Variants in TRAF3IP1 observed in about 807,000 individuals in gnomAD.
TRAF3IP1 encodes the protein TRAF3-interacting protein 1.
A neutral mutation model predicts 89.9 loss-of-function variants in TRAF3IP1; 53 were observed. The ratio of observed to expected loss-of-function variants is 0.59; its 90% CI spans 0.47 to 0.74. The LOEUF (loss-of-function observed/expected upper bound fraction) is 0.74, where lower values mean the gene tolerates loss of function less well. Among genes scored for constraint, TRAF3IP1 ranks in the 30% least tolerant of loss-of-function variants. The pLI is 0.00. For synonymous variants in TRAF3IP1, 311 were observed against 322.1 expected (o/e 0.97, Z 0.37); for missense variants, 806 against 866.1 (o/e 0.93, Z 0.87).
chr2:238,370,063 G>T (rs1700042227), intron 15 of TRAF3IP1, among the ~76,000 whole-genome samples: 1 of 152,154 alleles, frequency 6.6e-6, no homozygotes, highest in Non-Finnish European at 1.5e-5. Context: ...GGAGACCTGG[G>T]TCCTTTGATT....
rs1440046095 is a variant in TRAF3IP1 at position 238,351,848 on chromosome 2, T to C, written c.1452-979T>C. ...GGGAGGATTTTGGTGTGTGTGTGTG[T>C]GTGTGTGTGTGTGTGTGTGCGCGCG... On this transcript the variant is annotated intron_variant, in intron 12 of 16. Transcript: ENST00000373327. The surrounding 1 kb of genome is among the most constrained non-coding windows in gnomAD (Gnocchi z 5.2). Among the ~76,000 whole-genome samples the C allele has an allele frequency of 7.2e-6, 1 of 139,844 alleles. No homozygotes were observed. The highest frequency in any genetic ancestry group is 2.2e-4 in the South Asian group (1 of 4,488). The allele number at this position is 139,844 out of a possible 152,430, so 91.7% of individuals were successfully genotyped here.
rs1559349853 is a variant in TRAF3IP1, at chr2:238,320,794, CG to C, written c.123+13del. 12 of 1,406,462 alleles carry C rather than the reference CG, an allele frequency of 8.5e-6. No individual in the cohort carries two copies. Among genetic ancestry groups the C allele is most frequent in the East Asian group, 3.3e-5 (1 of 30,028 alleles). The allele number at this position is 1,406,462 out of a possible 1,614,324, so 87.1% of individuals were successfully genotyped here. A position where few individuals can be genotyped will look rare whatever the true frequency, so the allele number is the denominator to read the frequency against. On this transcript the variant is annotated intron_variant, in intron 1 of 16. Transcript: ENST00000373327. ...ACGACATCATCACGGAGGTGGGCGC[CG>C]GGGACCGGGCCCGGCCAGGTGCGGG... is the stretch of plus-strand genomic sequence containing the variant.
At chr2:238,332,942 G>A in intron 6 of TRAF3IP1, 47 bp downstream of exon 6, 1 of 1,432,374 alleles carries the variant, frequency 7.0e-7, no homozygotes, top group Non-Finnish European at 9.8e-7. Flanking sequence ...TTGTAGCTGT[G>A]TTGAAATAGT....
At chr2:238,369,968 C>T (rs1015994922) in intron 15 of TRAF3IP1, among the ~76,000 whole-genome samples, 7 of 152,242 alleles carry the variant, frequency 4.6e-5, no homozygotes, top group East Asian at 1.9e-4. Context: ...TTTCAGCCTG[C>T]GCCCAGCATT....
chr2:238,334,750 C>T (rs1000327734), intron 7 of TRAF3IP1, among the ~76,000 whole-genome samples: 3 of 152,214 alleles, frequency 2.0e-5, no homozygotes, highest in East Asian at 1.9e-4. Context: ...CACATGTGCA[C>T]AATAATTAGT....
intron 15 of TRAF3IP1, among the ~76,000 whole-genome samples, chr2:238,363,114 TTAAAA>T (rs1460288535): frequency 1.3e-5 from 2 of 152,222 alleles, no homozygotes; most frequent in Non-Finnish European, 1.5e-5. Context: ...GAAAAAACTA[TTAAAA>T]TAAACACTCT....
At chr2:238,370,293 A>C (rs566192838) in intron 15 of TRAF3IP1, among the ~76,000 whole-genome samples, 1 of 151,748 alleles carries the variant, frequency 6.6e-6, no homozygotes, top group South Asian at 2.1e-4. Flanking sequence ...CTGTGTGTGC[A>C]TGTGTGTATG....
chr2:238,370,388 A>G (rs1206333009), intron 15 of TRAF3IP1, among the ~76,000 whole-genome samples: 1 of 152,026 alleles, frequency 6.6e-6, no homozygotes, highest in African/African-American at 2.4e-5. Flanking sequence ...GTCTGCATGC[A>G]TGTGTACATG....
intron 1 of TRAF3IP1, 116 bp from the exon 2 acceptor site, chr2:238,325,190 T>A: frequency 9.8e-7 from 1 of 1,020,008 alleles, no homozygotes; most frequent in Admixed American, 1.8e-5. Flanking sequence ...AAGTGGATGA[T>A]TCAAATCTGG....
At chr2:238,338,538 TA>T in intron 8 of TRAF3IP1, 81 bp downstream of exon 8, 1 of 740,564 alleles carries the variant, frequency 1.4e-6, no homozygotes, top group Non-Finnish European at 2.1e-6. Flanking sequence ...TATACATTGT[TA>T]AAAAATTATT....
chr2:238,398,751 C>T lies in TRAF3IP1; in HGVS notation c.1911-3C>T. The T allele has an allele frequency of 6.3e-7, 1 of 1,580,620 alleles. No individual in the cohort carries two copies. Among genetic ancestry groups the T allele is most frequent in the Middle Eastern group, 1.7e-4 (1 of 5,884 alleles). The stretch of plus-strand genomic sequence containing the variant: ...ATGAGCCGCTGGTTTTGTTCTCCCT[C>T]AGGATCACAGACTGTGCCGTGGAGC... On this transcript the variant is annotated splice_polypyrimidine_tract_variant and splice_region_variant and intron_variant, in intron 16 of 16. Coordinates refer to ENST00000373327, the MANE Select transcript of TRAF3IP1 (RefSeq NM_015650.4).
intron 15 of TRAF3IP1, among the ~76,000 whole-genome samples, chr2:238,357,969 TG>T (rs1699494463): frequency 6.6e-6 from 1 of 151,922 alleles, no homozygotes; most frequent in African/African-American, 2.4e-5. Context: ...TGAAAAAGAG[TG>T]GTCAGTGAGA....
At chr2:238,396,782 C>G (rs988577638) in intron 15 of TRAF3IP1, among the ~76,000 whole-genome samples, 24 of 152,316 alleles carry the variant, frequency 1.6e-4, no homozygotes, top group African/African-American at 5.8e-4. Flanking sequence ...CTCAACTTGA[C>G]CCCTTCCATC....
At chr2:238,387,569 T>C (rs1341350043) in intron 15 of TRAF3IP1, among the ~76,000 whole-genome samples, 2 of 152,254 alleles carry the variant, frequency 1.3e-5, no homozygotes, top group Non-Finnish European at 2.9e-5. Flanking sequence ...GTAATGCCAC[T>C]TCCTGTTGCA....
At chr2:238,380,736 A>T (rs747080323) in intron 15 of TRAF3IP1, among the ~76,000 whole-genome samples, 9 of 152,194 alleles carry the variant, frequency 5.9e-5, no homozygotes, top group Non-Finnish European at 8.8e-5. Context: ...TGCCTGCATC[A>T]CACCTTTTTG....
intron 7 of TRAF3IP1, among the ~76,000 whole-genome samples, chr2:238,335,410 G>A (rs184639166): frequency 1.7e-3 from 254 of 152,242 alleles, no homozygotes; most frequent in Admixed American, 2.5e-3. Flanking sequence ...GAAGCCTTTT[G>A]TAGTCTGGGT....
Position 238,356,021 on chromosome 2 carries a change from A to AT in TRAF3IP1, c.1634dup (p.Leu545PhefsTer8). 6.2e-7 allele frequency: 1 copy of AT among 1,613,674 alleles called. No individual in the cohort carries two copies. Among genetic ancestry groups the AT allele is most frequent in the Non-Finnish European group, 8.5e-7 (1 of 1,179,618 alleles). ...TTCAACAGGTGGACTTGTGAAAAAA[A>AT]TTTTGGAGACGAAGAAAGATTATGA... On this transcript the variant is annotated frameshift_variant, in exon 15 of 17. Transcript: ENST00000373327. LOFTEE classifies it high-confidence loss of function.
chr2:238,334,981 C>T (rs946006042), intron 7 of TRAF3IP1, among the ~76,000 whole-genome samples: 1 of 152,174 alleles, frequency 6.6e-6, no homozygotes, highest in Non-Finnish European at 1.5e-5. Flanking sequence ...TGAAATGGTC[C>T]TTGTCATCGC....
intron 15 of TRAF3IP1, among the ~76,000 whole-genome samples, chr2:238,391,509 AT>A (rs1374865510): frequency 1.7e-4 from 26 of 152,206 alleles, no homozygotes; most frequent in Admixed American, 1.7e-3. Flanking sequence ...AAGCTTGAAA[AT>A]TGCCAGAGTG....
Sources: allele counts gnomAD v4.1 joint callset (sites outside exome capture counted in the v4.1 genomes callset), GRCh38; gene constraint gnomAD v4.1.1; non-coding constraint Gnocchi (gnomAD v3.1); transcripts MANE v1.5; gene names NCBI Gene and HGNC (gene_info 2026-07-23, HGNC 2026-07-21).